Variants in ZNF385D observed in about 807,000 individuals in gnomAD.
ZNF385D encodes the protein zinc finger protein 385D.
In ZNF385D, 15 loss-of-function variants were observed where a neutral mutation model predicts 35.8. The observed-to-expected ratio is 0.42, with a 90% confidence interval of 0.28 to 0.64. The LOEUF (loss-of-function observed/expected upper bound fraction) is 0.64, where lower values mean the gene tolerates loss of function less well. Ranked by LOEUF, ZNF385D falls within the 30% of genes least tolerant of loss-of-function variation. The pLI is 0.23. For synonymous variants in ZNF385D, 212 were observed against 186.8 expected (o/e 1.13, Z -1.10); for missense variants, 474 against 494.6 (o/e 0.96, Z 0.39).
At chr3:21,444,668 T>G (rs800599) in intron 4 of ZNF385D, among the ~76,000 whole-genome samples, 49,654 of 151,960 alleles carry the variant, frequency 0.33, 9,263 homozygotes, top group Non-Finnish European at 0.42. Flanking sequence ...ATTACAGGTG[T>G]GAGCCACTGC....
At chr3:21,909,185 A>G (rs1349334175) in intron 3 of ZNF385D, among the ~76,000 whole-genome samples, 1 of 152,030 alleles carries the variant, frequency 6.6e-6, no homozygotes, top group Admixed American at 6.6e-5. Flanking sequence ...AGTTCGTCCA[A>G]ATATAATACG....
chr3:21,613,936 A>G (rs978862501), intron 2 of ZNF385D, among the ~76,000 whole-genome samples: 1 of 152,208 alleles, frequency 6.6e-6, no homozygotes, highest in African/African-American at 2.4e-5. Context: ...AGAATGACTC[A>G]AACACAGATG....
intron 2 of ZNF385D, among the ~76,000 whole-genome samples, chr3:22,348,601 G>A (rs1364868006): frequency 6.7e-6 from 1 of 149,862 alleles, no homozygotes; most frequent in Non-Finnish European, 1.5e-5. Context: ...GGAGGTGGAA[G>A]TTGCGGTGAG....
intron 2 of ZNF385D, among the ~76,000 whole-genome samples, chr3:22,171,285 T>G (rs1694404684): frequency 6.6e-6 from 1 of 152,192 alleles, no homozygotes; most frequent in Non-Finnish European, 1.5e-5. Flanking sequence ...AAGAAAATAT[T>G]TTCTTATTTG....
chr3:21,949,791 G>C (rs1367092293), intron 3 of ZNF385D, among the ~76,000 whole-genome samples: 8 of 152,032 alleles, frequency 5.3e-5, no homozygotes, highest in Admixed American at 5.2e-4. Context: ...CCACTTGTGA[G>C]TGAGAACAGG....
intron 4 of ZNF385D, among the ~76,000 whole-genome samples, chr3:21,464,218 C>T (rs544737384): frequency 3.3e-5 from 5 of 152,170 alleles, no homozygotes; most frequent in African/African-American, 1.2e-4. Flanking sequence ...ATTTTATAAT[C>T]GCTGACTGGA....
chr3:22,083,286 G>T (rs551696771), intron 3 of ZNF385D, among the ~76,000 whole-genome samples: 1 of 148,282 alleles, frequency 6.7e-6, no homozygotes, highest in Non-Finnish European at 1.5e-5. Context: ...AAACTTCTCC[G>T]AGCTAAAGGA....
chr3:22,254,707 CAACT>C (rs1352631063), intron 2 of ZNF385D, among the ~76,000 whole-genome samples: 1 of 151,756 alleles, frequency 6.6e-6, no homozygotes, highest in Non-Finnish European at 1.5e-5. Flanking sequence ...GGATTAACAA[CAACT>C]AATAGAAAAA....
At chr3:21,862,307 T>A (rs1261414616) in intron 3 of ZNF385D, among the ~76,000 whole-genome samples, 1 of 151,002 alleles carries the variant, frequency 6.6e-6, no homozygotes, top group African/African-American at 2.4e-5. Context: ...TTTTTTTTTT[T>A]AATCAAGCTC....
At position 22,016,433 on chromosome 3, in the gene ZNF385D, C is replaced by A. The variant is rs1258500849; in HGVS notation, c.325+152384G>T. 3.3e-5 allele frequency among the ~76,000 whole-genome samples: 5 copies of A among 152,084 alleles called. No homozygotes were observed. In the South Asian group the frequency reaches 1.0e-3, roughly 32 times the overall value. On this transcript the variant is annotated intron_variant, in intron 3 of 5. Coordinates refer to the ZNF385D transcript ENST00000494108. ...CACGATGACAGGCAAATTGTGCAGA[C>A]CAAGGTAAACAACTATTTCTATTTA...
rs146068974 is a variant in ZNF385D, at chr3:21,895,421, G to C, written c.326-230393C>G. Among the ~76,000 whole-genome samples the C allele has an allele frequency of 7.7e-3, 1,139 of 147,612 alleles. 14 individuals are homozygous for C. The highest frequency in any genetic ancestry group is 0.027 in the African/African-American group (1,060 of 39,918). On this transcript the variant is annotated intron_variant, in intron 3 of 5. Transcript: ENST00000494108. ...TGGCTCACTGCAACGTCTGCCTCTG[G>C]GTTCAAGTGATTCTCCTGCCTCAGC... is the stretch of plus-strand genomic sequence containing the variant.
intron 2 of ZNF385D, among the ~76,000 whole-genome samples, chr3:22,196,235 G>C (rs187898260): frequency 6.6e-5 from 10 of 152,170 alleles, no homozygotes; most frequent in Non-Finnish European, 1.3e-4. Flanking sequence ...TTACAGCTAT[G>C]CATGTAGGTT....
In ZNF385D at chr3:22,304,425, T is replaced by C. The variant is rs1398655452; in HGVS notation, c.106+68025A>G. Reference sequence around the variant, plus strand: ...GCAAATTTTATTTTTTGCTATTAATTTCAATGCTGTGTGAAAATTGTAAGG... The same window carrying C: ...GCAAATTTTATTTTTTGCTATTAATCTCAATGCTGTGTGAAAATTGTAAGG... On this transcript the variant is annotated intron_variant, in intron 2 of 5. Coordinates refer to the ZNF385D transcript ENST00000494108. Among the ~76,000 whole-genome samples, 4 of 152,228 alleles carry C rather than the reference T, an allele frequency of 2.6e-5. 1 individual carries two copies. The highest frequency in any genetic ancestry group is 7.2e-5 in the African/African-American group (3 of 41,478).
intron 3 of ZNF385D, among the ~76,000 whole-genome samples, chr3:21,846,807 G>C (rs1347824105): frequency 1.3e-5 from 2 of 152,148 alleles, no homozygotes; most frequent in East Asian, 3.9e-4. Flanking sequence ...TAAGAAGCTA[G>C]AATCTGGTGT....
At chr3:21,781,651 G>C (rs182857556) in intron 3 of ZNF385D, among the ~76,000 whole-genome samples, 19 of 152,092 alleles carry the variant, frequency 1.2e-4, no homozygotes, top group Admixed American at 2.6e-4. Context: ...AAGATTCCTT[G>C]CTGTTCTTGA....
At chr3:21,843,918 G>A (rs1384167207) in intron 3 of ZNF385D, among the ~76,000 whole-genome samples, 2 of 151,898 alleles carry the variant, frequency 1.3e-5, no homozygotes, top group Admixed American at 6.6e-5. Context: ...GAACAAAGTT[G>A]AAACAGACAT....
intron 3 of ZNF385D, among the ~76,000 whole-genome samples, chr3:22,159,199 C>T (rs1381837740): frequency 1.3e-5 from 2 of 152,028 alleles, no homozygotes; most frequent in Non-Finnish European, 2.9e-5. Context: ...CCTTCAAGTT[C>T]TTCAAACTTC....
chr3:22,070,971 C>T (rs913851051), intron 3 of ZNF385D, among the ~76,000 whole-genome samples: 1 of 152,062 alleles, frequency 6.6e-6, no homozygotes, highest in African/African-American at 2.4e-5. Context: ...AAGAATACGG[C>T]ATTCTCCAGT....
At chr3:21,867,340 C>T (rs974262451) in intron 3 of ZNF385D, among the ~76,000 whole-genome samples, 2 of 152,086 alleles carry the variant, frequency 1.3e-5, no homozygotes, top group Admixed American at 1.3e-4. Flanking sequence ...ACATTCAGAC[C>T]TTAGCACCCA....
Sources: gnomAD v4.1 joint callset for allele counts (sites outside exome capture counted in the v4.1 genomes callset) on GRCh38, gnomAD v4.1.1 for gene constraint, MANE v1.5 for transcripts, NCBI Gene and HGNC (gene_info 2026-07-23, HGNC 2026-07-21) for gene names.